The following TCERG1L variants were observed in gnomAD, a reference collection of about 807,000 sequenced individuals.
The protein encoded by TCERG1L is transcription elongation regulator 1-like protein.
In TCERG1L, 37 loss-of-function variants were observed where a neutral mutation model predicts 56.3. The observed-to-expected ratio is 0.66, with a 90% CI of 0.51 to 0.87. The LOEUF is 0.87. TCERG1L is among the 40% of genes least tolerant of loss of function. The pLI, the probability that TCERG1L is intolerant of heterozygous loss-of-function variation, is 0.00. For synonymous variants in TCERG1L, 324 were observed against 326.3 expected, an observed-to-expected ratio of 0.99 and a Z score of 0.08; for missense variants, 799 against 774.2, an observed-to-expected ratio of 1.03 and a Z score of -0.38.
At chr10:131,149,712 G>A (rs1027474130) in intron 6 of TCERG1L, among the ~76,000 whole-genome samples, 2 of 152,222 alleles carry the variant, frequency 1.3e-5, no homozygotes, top group Non-Finnish European at 2.9e-5. Flanking sequence ...CACGTAGGAC[G>A]TGGACAGTTT....
intron 3 of TCERG1L, among the ~76,000 whole-genome samples, chr10:131,291,088 T>C (rs1846615931): frequency 6.6e-6 from 1 of 152,200 alleles, no homozygotes; most frequent in Admixed American, 6.5e-5. Flanking sequence ...TAAATTTACA[T>C]TCCTTGAATG....
intron 3 of TCERG1L, among the ~76,000 whole-genome samples, chr10:131,274,415 C>T (rs886528962): frequency 2.6e-5 from 4 of 152,182 alleles, no homozygotes; most frequent in Non-Finnish European, 5.9e-5. Flanking sequence ...GATCAGCCGA[C>T]GTATGAGTCT....
chr10:131,200,878 G>A (rs1027045897), intron 4 of TCERG1L, among the ~76,000 whole-genome samples: 1 of 152,138 alleles, frequency 6.6e-6, no homozygotes, highest in Non-Finnish European at 1.5e-5. Flanking sequence ...TAGATCACAA[G>A]GGATCCTCCC....
intron 4 of TCERG1L, among the ~76,000 whole-genome samples, chr10:131,239,773 G>A (rs1055759244): frequency 3.3e-5 from 5 of 152,230 alleles, no homozygotes; most frequent in South Asian, 2.1e-4. Context: ...AAAGGGGATC[G>A]TATCCTTTTC....
chr10:131,176,768 CAA>C (rs1364135358), intron 4 of TCERG1L, among the ~76,000 whole-genome samples: 1 of 76,864 alleles, frequency 1.3e-5, no homozygotes, highest in Non-Finnish European at 2.6e-5. Flanking sequence ...ACACATACAC[CAA>C]GACACATGGA....
At chr10:131,123,330 C>T (rs1403735690) in intron 8 of TCERG1L, among the ~76,000 whole-genome samples, 5 of 152,140 alleles carry the variant, frequency 3.3e-5, no homozygotes, top group African/African-American at 1.2e-4. Flanking sequence ...CAAATGAATG[C>T]AGCTGAGGGG....
chr10:131,240,031 G>A (rs947347243), intron 4 of TCERG1L, among the ~76,000 whole-genome samples: 1 of 152,184 alleles, frequency 6.6e-6, no homozygotes, highest in African/African-American at 2.4e-5. Flanking sequence ...TGGGCTTGGT[G>A]AAGAAGCCCT....
At chr10:131,243,361 C>T in intron 4 of TCERG1L, among the ~76,000 whole-genome samples, 1 of 152,138 alleles carries the variant, frequency 6.6e-6, no homozygotes, top group East Asian at 1.9e-4. Flanking sequence ...ATGGGTGGAT[C>T]ACTTGAGGTC....
rs1008873355 is a variant in TCERG1L, at chr10:131,109,024, G to A, written c.1396-4670C>T. On this transcript the variant is annotated intron_variant, in intron 9 of 11. Transcript: ENST00000368642. The stretch of plus-strand genomic sequence containing the variant: ...TCGCCACGGGTGTGACATGGGCCCC[G>A]TCCACGCTCAAGGAGAGGACCACCC... Among the ~76,000 whole-genome samples, 23 of 151,790 alleles carry A rather than the reference G, an allele frequency of 1.5e-4. No homozygotes were observed. In the East Asian group the frequency reaches 1.6e-3, roughly 10 times the overall value.
intron 3 of TCERG1L, among the ~76,000 whole-genome samples, chr10:131,288,236 G>C (rs1361610486): frequency 1.3e-5 from 2 of 152,150 alleles, no homozygotes; most frequent in Non-Finnish European, 2.9e-5. Flanking sequence ...CTAAGGAAAA[G>C]TGCAGATTCA....
intron 4 of TCERG1L, among the ~76,000 whole-genome samples, chr10:131,239,619 G>C (rs1305784485): frequency 1.3e-5 from 2 of 152,232 alleles, no homozygotes; most frequent in Non-Finnish European, 1.5e-5. Flanking sequence ...AGTCAGAGGT[G>C]AGGAGGGGCC....
Position 131,269,249 on chromosome 10 carries a change from T to C in TCERG1L, c.671-8805A>G, listed in dbSNP as rs929423130. Among the ~76,000 whole-genome samples, 4 of 152,168 alleles carry C rather than the reference T, an allele frequency of 2.6e-5. No individual in the cohort carries two copies. In the South Asian group the frequency reaches 6.2e-4, roughly 24 times the overall value. ...TCACCCAAGTTGGAGTGCAGTGGCA[T>C]GATCTCGGCTCACTGCAACCTCCGC... On this transcript the variant is annotated intron_variant, in intron 3 of 11. Transcript: ENST00000368642.
At chr10:131,181,352 C>T (rs373190311) in intron 4 of TCERG1L, among the ~76,000 whole-genome samples, 83 of 152,316 alleles carry the variant, frequency 5.4e-4, no homozygotes, top group African/African-American at 1.9e-3. Flanking sequence ...CTGTGCTCAG[C>T]ACAGAGGCGG....
chr10:131,139,709 TG>T (rs1377242000), intron 7 of TCERG1L, among the ~76,000 whole-genome samples: 2 of 152,122 alleles, frequency 1.3e-5, no homozygotes, highest in African/African-American at 4.8e-5. Flanking sequence ...TGTGTGTGTG[TG>T]TCTGTGTGTA....
intron 4 of TCERG1L, among the ~76,000 whole-genome samples, chr10:131,205,364 TAA>T (rs67880177): frequency 0.091 from 12,786 of 141,102 alleles, 1,784 homozygotes; most frequent in African/African-American, 0.31. Flanking sequence ...TCTCCTAATG[TAA>T]AAAAAAAAAA....
At position 131,097,602 on chromosome 10, in the gene TCERG1L, C is replaced by T. The variant is rs1478955430; in HGVS notation, c.1604+704G>A. Among the ~76,000 whole-genome samples the T allele has an allele frequency of 6.6e-5, 10 of 152,364 alleles. No individual in the cohort carries two copies. In the South Asian group the frequency reaches 1.2e-3, roughly 19 times the overall value. On this transcript the variant is annotated intron_variant, in intron 11 of 11. Coordinates refer to ENST00000368642, the MANE Select transcript of TCERG1L (RefSeq NM_174937.4). ...GACCTCGTGATCCACCTGCCTTGGT[C>T]TCCCAAAGTGCTGGGATTATAGGCG...
At chr10:131,197,069 C>T (rs1845373256) in intron 4 of TCERG1L, among the ~76,000 whole-genome samples, 1 of 152,148 alleles carries the variant, frequency 6.6e-6, no homozygotes, top group Admixed American at 6.5e-5. Context: ...CTCTACAAGA[C>T]ACTCCCTGTG....
intron 9 of TCERG1L, among the ~76,000 whole-genome samples, chr10:131,106,518 G>T (rs1473962637): frequency 6.6e-6 from 1 of 152,230 alleles, no homozygotes; most frequent in Non-Finnish European, 1.5e-5. Context: ...ATTGCAAGAG[G>T]TTGAACATGC....
chr10:131,178,862 C>T (rs767747380), intron 4 of TCERG1L, among the ~76,000 whole-genome samples: 17 of 152,238 alleles, frequency 1.1e-4, no homozygotes, highest in Non-Finnish European at 2.1e-4. Context: ...CTCCACTGTA[C>T]ACTCCGCAGA....
Sources: gnomAD v4.1 joint callset for allele counts (sites outside exome capture counted in the v4.1 genomes callset) on GRCh38, gnomAD v4.1.1 for gene constraint, MANE v1.5 for transcripts, NCBI Gene and HGNC (gene_info 2026-07-23, HGNC 2026-07-21) for gene names.